CDH4: variants seen among roughly 807,000 people sequenced by gnomAD.
CDH4 encodes the protein cadherin-4.
Under a neutral mutation model 86.0 loss-of-function variants are expected in CDH4, and 33 were observed. That is an observed-to-expected ratio of 0.38 (90% CI 0.29 to 0.51). The LOEUF (loss-of-function observed/expected upper bound fraction) is 0.51, where lower values mean the gene tolerates loss of function less well. Among genes scored for constraint, CDH4 ranks in the 20% least tolerant of loss-of-function variants. The probability of loss-of-function intolerance (pLI) is 0.86; values close to 1 mark genes in which losing one functional copy is unlikely to be tolerated. For missense variants in CDH4, 1,114 were observed against 1,307.4 expected, an observed-to-expected ratio of 0.85 and a Z score of 2.28; for synonymous variants, 555 against 549.4, an observed-to-expected ratio of 1.01 and a Z score of -0.14.
chr20:61,540,165 G>A (rs941821094), intron 2 of CDH4, among the ~76,000 whole-genome samples: 10 of 152,254 alleles, frequency 6.6e-5, no homozygotes, highest in Admixed American at 6.5e-5. Context: ...ATGGACACTC[G>A]ACAAACCTGA....
chr20:61,454,229 A>T (rs894804911), intron 2 of CDH4, among the ~76,000 whole-genome samples: 8 of 152,312 alleles, frequency 5.3e-5, no homozygotes, highest in African/African-American at 1.9e-4. Flanking sequence ...GTGGTGACCA[A>T]AGTGGAGACA....
intron 2 of CDH4, among the ~76,000 whole-genome samples, chr20:61,307,358 C>A (rs1196150077): frequency 6.6e-6 from 1 of 152,158 alleles, no homozygotes; most frequent in Admixed American, 6.5e-5. Context: ...GCACTCAGCA[C>A]CTACATGCTC....
intron 2 of CDH4, among the ~76,000 whole-genome samples, chr20:61,701,505 C>T (rs1274682358): frequency 6.6e-6 from 1 of 152,196 alleles, no homozygotes; most frequent in East Asian, 1.9e-4. Context: ...GCCATGGCCT[C>T]CAAGCGATCA....
chr20:61,604,840 G>A (rs2086630278), intron 2 of CDH4, among the ~76,000 whole-genome samples: 1 of 152,160 alleles, frequency 6.6e-6, no homozygotes, highest in African/African-American at 2.4e-5. Flanking sequence ...CGTCACTTCA[G>A]GAGAAATGGA....
At chr20:61,382,714 G>A (rs1213773222) in intron 2 of CDH4, among the ~76,000 whole-genome samples, 6 of 152,120 alleles carry the variant, frequency 3.9e-5, no homozygotes, top group Non-Finnish European at 7.3e-5. Context: ...TCCAGGCTTT[G>A]CCTCTGTCTT....
At chr20:61,589,835 AAAAAG>A (rs999786079) in intron 2 of CDH4, among the ~76,000 whole-genome samples, 18 of 151,878 alleles carry the variant, frequency 1.2e-4, no homozygotes, top group African/African-American at 3.6e-4. Flanking sequence ...TAAAAAAAAA[AAAAAG>A]AAAGACAAGG....
intron 2 of CDH4, among the ~76,000 whole-genome samples, chr20:61,378,082 C>T (rs1347035606): frequency 6.6e-6 from 1 of 152,102 alleles, no homozygotes; most frequent in African/African-American, 2.4e-5. Flanking sequence ...GCAAGACCCC[C>T]ATCTCTCTAA....
chr20:61,868,097 C>T (rs899218457), intron 6 of CDH4, among the ~76,000 whole-genome samples: 2 of 152,344 alleles, frequency 1.3e-5, no homozygotes, highest in South Asian at 2.1e-4. Context: ...TGAGCATAAA[C>T]CGCAGAATGG....
At chr20:61,612,830 G>A (rs1343612476) in intron 2 of CDH4, among the ~76,000 whole-genome samples, 1 of 152,102 alleles carries the variant, frequency 6.6e-6, no homozygotes, top group East Asian at 1.9e-4. Flanking sequence ...GGCATTTGGT[G>A]TGAGGTAGGG....
intron 2 of CDH4, among the ~76,000 whole-genome samples, chr20:61,683,096 G>C (rs1440258252): frequency 1.3e-5 from 2 of 152,128 alleles, no homozygotes; most frequent in Non-Finnish European, 2.9e-5. Flanking sequence ...AATGGGACTG[G>C]CTGCTTATGG....
At chr20:61,788,499 G>C (rs1035656351) in intron 4 of CDH4, among the ~76,000 whole-genome samples, 1 of 152,216 alleles carries the variant, frequency 6.6e-6, no homozygotes, top group Admixed American at 6.5e-5. Context: ...CCGGCACCCA[G>C]AGGTGGGGTC....
At chr20:61,654,394 C>T (rs1160215409) in intron 2 of CDH4, among the ~76,000 whole-genome samples, 7 of 152,196 alleles carry the variant, frequency 4.6e-5, no homozygotes, top group African/African-American at 9.6e-5. Flanking sequence ...AGCTTTGGCT[C>T]GGCATCAGAG....
chr20:61,375,040 C>G (rs754698973), intron 2 of CDH4, among the ~76,000 whole-genome samples: 2 of 152,294 alleles, frequency 1.3e-5, no homozygotes, highest in South Asian at 4.1e-4. Flanking sequence ...CTGGACCAAA[C>G]TAATGTCTTT....
At chr20:61,614,745 G>A (rs1309851465) in intron 2 of CDH4, among the ~76,000 whole-genome samples, 2 of 152,138 alleles carry the variant, frequency 1.3e-5, no homozygotes, top group African/African-American at 4.8e-5. Context: ...GGTGGCCAGA[G>A]CTAAACCCAT....
At chr20:61,856,665 T>C (rs1983026838) in intron 6 of CDH4, among the ~76,000 whole-genome samples, 1 of 152,200 alleles carries the variant, frequency 6.6e-6, no homozygotes, top group South Asian at 2.1e-4. Flanking sequence ...GGGTCCTGTG[T>C]GCACCCCACA....
At chr20:61,541,363 C>T (rs1158926197) in intron 2 of CDH4, among the ~76,000 whole-genome samples, 2 of 152,164 alleles carry the variant, frequency 1.3e-5, no homozygotes, top group Non-Finnish European at 2.9e-5. Flanking sequence ...GCCTGGTGGT[C>T]GGCACCCTCT....
At chr20:61,919,516 T>C (rs2054942778) in intron 9 of CDH4, among the ~76,000 whole-genome samples, 1 of 152,256 alleles carries the variant, frequency 6.6e-6, no homozygotes, top group African/African-American at 2.4e-5. Context: ...CTGGCCTGCC[T>C]GCCTGCAGGT....
At chr20:61,699,813 G>A (rs927970422) in intron 2 of CDH4, among the ~76,000 whole-genome samples, 6 of 148,576 alleles carry the variant, frequency 4.0e-5, no homozygotes, top group South Asian at 2.1e-4. Flanking sequence ...CCGCTGACCC[G>A]GGGCACACAC....
intron 2 of CDH4, among the ~76,000 whole-genome samples, chr20:61,285,072 G>GGT: frequency 6.6e-6 from 1 of 150,654 alleles, no homozygotes; most frequent in East Asian, 1.9e-4. Context: ...AGCCTTTCCT[G>GGT]TTTTTTTTTT....
Sources: gnomAD v4.1 joint callset for allele counts (sites outside exome capture counted in the v4.1 genomes callset) on GRCh38, gnomAD v4.1.1 for gene constraint, MANE v1.5 for transcripts, NCBI Gene and HGNC (gene_info 2026-07-23, HGNC 2026-07-21) for gene names.